SRGN: variants seen among roughly 807,000 people sequenced by gnomAD.
The protein encoded by SRGN is hematopoetic proteoglycan core peptide.
SRGN carries 2 observed loss-of-function variants against 9.5 expected under a neutral mutation model. The ratio of observed to expected loss-of-function variants is 0.21; its 90% CI spans 0.09 to 0.66. The LOEUF (loss-of-function observed/expected upper bound fraction) is 0.66. Among genes scored for constraint, SRGN ranks in the 30% least tolerant of loss-of-function variants. The probability of loss-of-function intolerance (pLI) is 0.83; values close to 1 mark genes in which losing one functional copy is unlikely to be tolerated. For synonymous variants in SRGN, 59 were observed against 72.3 expected (o/e 0.82, Z 0.93); for missense variants, 170 against 192.4 (o/e 0.88, Z 0.69).
chr10:69,094,475 A>G (rs186007666), intron 1 of SRGN, among the ~76,000 whole-genome samples: 1 of 152,164 alleles, frequency 6.6e-6, no homozygotes, highest in African/African-American at 2.4e-5. Context: ...TTCTACCTCC[A>G]GTTATTTTTG....
rs765360321 is a variant in SRGN, at chr10:69,104,016, G to C, written c.373G>C (p.Glu125Gln). The change falls in exon 3 of 3, where the codon GAA becomes CAA. Residue 125 changes from glutamate to glutamine, a missense_variant. Physicochemically the swap from Glu to Gln is conservative, Grantham distance 29. Transcript: ENST00000242465. Reference sequence around the variant, plus strand: ...GGAACAGGATTACCAACTAGTAGACGAAAGTGATGCTTTCCATGACAACCT... The same window carrying C: ...GGAACAGGATTACCAACTAGTAGACCAAAGTGATGCTTTCCATGACAACCT... The part of the protein sequence containing the change: ...EMEQDYQLVD[E>Q]SDAFHDNLRS... 4 of 1,614,100 alleles carry C rather than the reference G, an allele frequency of 2.5e-6. No homozygotes were observed. The African/African-American group carries it at 5.3e-5, about 22-fold the overall frequency.
At chr10:69,098,769 G>A (rs1354592209) in intron 2 of SRGN, 2 of 152,160 alleles carry the variant, frequency 1.3e-5, no homozygotes, top group African/African-American at 4.8e-5. Flanking sequence ...GGACCAGCCT[G>A]GGCCATACAG....
At position 69,091,925 on chromosome 10, in the gene SRGN, GA is replaced by G. The variant is rs1188749602; in HGVS notation, c.79+3699del. On this transcript the variant is annotated intron_variant, in intron 1 of 2. Transcript: ENST00000242465. ...AAAAAAAAAGAAAAAGAAAAGAAAA[GA>G]AAAAAAAAAGAAATTAGTATATTGT... Among the ~76,000 whole-genome samples the G allele has an allele frequency of 4.8e-4, 34 of 71,470 alleles. 1 individual carries two copies. The highest frequency in any genetic ancestry group is 9.7e-4 in the African/African-American group (19 of 19,602). 46.9% of individuals were successfully genotyped at this position (71,470 alleles called of 152,430 possible).
intron 1 of SRGN, 37 bp from the exon 2 acceptor site, chr10:69,097,047 A>G (rs1355711436): frequency 6.2e-6 from 10 of 1,606,558 alleles, no homozygotes; most frequent in East Asian, 2.2e-5. Context: ...GAAGCTGTGT[A>G]GTAGATACTT....
Position 69,103,905 on chromosome 10 carries a change from C to A in SRGN, c.262C>A (p.Pro88Thr). Reference protein sequence around the residue: ...TRIQDLNRIFPLSEDYSGSGF... With the variant: ...TRIQDLNRIFTLSEDYSGSGF... ...AATCCAGGACTTGAATCGTATCTTC[C>A]CACTTTCTGAGGACTACTCTGGATC... The change falls in exon 3 of 3, where the codon CCA becomes ACA. Residue 88 changes from proline (P) to threonine (T), a missense_variant. Pro to Thr is a conservative substitution (Grantham distance 38). Transcript: ENST00000242465. The A allele has an allele frequency of 6.2e-7, 1 of 1,614,130 alleles. No homozygotes were observed. Among genetic ancestry groups the A allele is most frequent in the Non-Finnish European group, 8.5e-7 (1 of 1,180,012 alleles).
At chr10:69,099,098 A>C (rs2132159286) in intron 2 of SRGN, among the ~76,000 whole-genome samples, 1 of 152,292 alleles carries the variant, frequency 6.6e-6, no homozygotes, top group East Asian at 1.9e-4. Context: ...AGTAACAAAA[A>C]ATTGAATTAT....
intron 2 of SRGN, among the ~76,000 whole-genome samples, chr10:69,102,217 T>C (rs1840307217): frequency 6.6e-6 from 1 of 152,180 alleles, no homozygotes. Context: ...CTTCTCTATC[T>C]ACATGCTTTC....
chr10:69,089,746 A>G (rs1840010979), intron 1 of SRGN, among the ~76,000 whole-genome samples: 1 of 151,414 alleles, frequency 6.6e-6, no homozygotes. Context: ...ATACAAAAAA[A>G]TTAGCCGGGC....
intron 2 of SRGN, among the ~76,000 whole-genome samples, chr10:69,100,148 G>T (rs1441640635): frequency 6.6e-6 from 1 of 152,210 alleles, no homozygotes; most frequent in Non-Finnish European, 1.5e-5. Flanking sequence ...GCCAAGGCAG[G>T]CAGATTGCTT....
At chr10:69,091,915 G>GAAAAAAAAAA (rs144115937) in intron 1 of SRGN, among the ~76,000 whole-genome samples, 1 of 73,700 alleles carries the variant, frequency 1.4e-5, no homozygotes, top group Non-Finnish European at 2.7e-5. Context: ...AAAAGAAAAA[G>GAAAAAAAAAA]AAAAGAAAAG....
chr10:69,103,699 C>T (rs1030364621), intron 2 of SRGN, among the ~76,000 whole-genome samples, 172 bp from the exon 3 acceptor site: 3 of 152,070 alleles, frequency 2.0e-5, no homozygotes, highest in Non-Finnish European at 4.4e-5. Flanking sequence ...GAACATTTGA[C>T]CTGTTTTTTT....
chr10:69,090,290 G>A (rs1477686680), intron 1 of SRGN, among the ~76,000 whole-genome samples: 1 of 152,208 alleles, frequency 6.6e-6, no homozygotes, highest in Non-Finnish European at 1.5e-5. Flanking sequence ...TATCTAGCCC[G>A]TTGGTTTGGC....
chr10:69,100,965 A>T lies in SRGN; in HGVS notation c.228-2906A>T, dbSNP rs1211730966. Among the ~76,000 whole-genome samples the T allele has an allele frequency of 5.7e-5, 8 of 139,502 alleles. No homozygotes were observed. In the East Asian group the frequency reaches 1.4e-3, roughly 24 times the overall value. 91.5% of individuals were successfully genotyped at this position (139,502 alleles called of 152,430 possible). On this transcript the variant is annotated intron_variant, in intron 2 of 2. Coordinates refer to ENST00000242465, the MANE Select transcript of SRGN (RefSeq NM_002727.4). The stretch of plus-strand genomic sequence containing the variant: ...ATCGCTGTAGCCCAAGGAGGGAAGT[A>T]TTTTTTTCTTTCTTTCTTTCTTTTT...
At chr10:69,089,270 G>C (rs1322136370) in intron 1 of SRGN, among the ~76,000 whole-genome samples, 1 of 152,132 alleles carries the variant, frequency 6.6e-6, no homozygotes, top group Non-Finnish European at 1.5e-5. Context: ...AAAAGAGCAA[G>C]TAATGTTTCT....
chr10:69,093,544 T>TTAGTA (rs1840109935), intron 1 of SRGN, among the ~76,000 whole-genome samples: 1 of 152,172 alleles, frequency 6.6e-6, no homozygotes, highest in African/African-American at 2.4e-5. Context: ...AGCAATTAGA[T>TTAGTA]GCTAAACTAA....
At position 69,104,322 on chromosome 10, in the gene SRGN, A is replaced by T; in HGVS notation, c.*202A>T. The T allele has an allele frequency of 1.9e-6, 1 of 529,550 alleles. No homozygotes were observed. The highest frequency in any genetic ancestry group is 2.0e-5 in the African/African-American group (1 of 50,810). 32.8% of individuals were successfully genotyped at this position (529,550 alleles called of 1,614,324 possible). A position where few individuals can be genotyped will look rare whatever the true frequency, so the allele number is the denominator to read the frequency against. ...GCTGTTATCTATTTTATTGTTCTTG[A>T]AAATACCTGCATTTTTTGGTATCAT... On this transcript the variant is annotated 3_prime_UTR_variant, in exon 3 of 3. Transcript: ENST00000242465.
chr10:69,098,656 T>C (rs1840228433), intron 2 of SRGN: 1 of 151,232 alleles, frequency 6.6e-6, no homozygotes, highest in African/African-American at 2.4e-5. Flanking sequence ...CTTCAAGTAG[T>C]TGGTAATTAT....
chr10:69,102,114 C>A (rs1251078092), intron 2 of SRGN, among the ~76,000 whole-genome samples: 1 of 151,912 alleles, frequency 6.6e-6, no homozygotes, highest in Non-Finnish European at 1.5e-5. Context: ...CCATGCCCTG[C>A]CTTATCCTGT....
chr10:69,089,100 C>A (rs1839999106), intron 1 of SRGN, among the ~76,000 whole-genome samples: 1 of 152,172 alleles, frequency 6.6e-6, no homozygotes, highest in South Asian at 2.1e-4. Flanking sequence ...AATGTTGAGT[C>A]ACAATGACAC....
Sources: allele counts gnomAD v4.1 joint callset (sites outside exome capture counted in the v4.1 genomes callset), GRCh38; gene constraint gnomAD v4.1.1; transcripts MANE v1.5; gene names NCBI Gene and HGNC (gene_info 2026-07-23, HGNC 2026-07-21).